PARP10: variants seen among roughly 807,000 people sequenced by gnomAD.
PARP10 encodes the protein protein mono-ADP-ribosyltransferase PARP10.
Under a neutral mutation model 82.4 loss-of-function variants are expected in PARP10, and 56 were observed. The ratio of observed to expected loss-of-function variants is 0.68; its 90% confidence interval spans 0.55 to 0.85. PARP10 has a LOEUF of 0.85. Among genes scored for constraint, PARP10 ranks in the 40% least tolerant of loss-of-function variants. PARP10 has a pLI of 0.00. For missense variants in PARP10, 1,227 were observed against 1,379.4 expected, an observed-to-expected ratio of 0.89 and a Z score of 1.75; for synonymous variants, 576 against 601.1, an observed-to-expected ratio of 0.96 and a Z score of 0.61.
At position 143,983,657 on chromosome 8, in the gene PARP10, A is replaced by G. The variant is rs1554748350; in HGVS notation, c.1932T>C (p.Thr644=). The G allele has an allele frequency of 1.2e-6, 2 of 1,608,788 alleles. No individual in the cohort carries two copies. The highest frequency in any genetic ancestry group is 2.2e-5 in the South Asian group (2 of 90,042). The change falls in exon 8 of 11, where the codon ACT becomes ACC. Residue 644 remains threonine, a synonymous_variant. Coordinates refer to ENST00000313028, the MANE Select transcript of PARP10 (RefSeq NM_032789.5). ...HEEEEPVAPS[T]VAPRWLEEEA... is the part of the protein sequence containing the mutation. ...CCTCCTCCAGCCACCTGGGTGCCACAGTGCTGGGGGCCACAGGCTCCTCCT... is the reference window on the plus strand; with the variant it reads ...CCTCCTCCAGCCACCTGGGTGCCACGGTGCTGGGGGCCACAGGCTCCTCCT...
At chr8:144,007,893 C>T (rs921777842) in intron 1 of PARP10, among the ~76,000 whole-genome samples, 1 of 152,204 alleles carries the variant, frequency 6.6e-6, no homozygotes, top group Non-Finnish European at 1.5e-5. Context: ...TACTACCTGC[C>T]TCGGGGGCTT....
intron 9 of PARP10, 55 bp downstream of exon 9, chr8:143,982,876 TA>T: frequency 1.3e-6 from 2 of 1,598,046 alleles, no homozygotes; most frequent in Non-Finnish European, 1.7e-6. Context: ...GGCAAGGCGC[TA>T]ATGGTGCAAG....
intron 9 of PARP10, among the ~76,000 whole-genome samples, chr8:143,982,144 C>T (rs1833878100): frequency 6.6e-6 from 1 of 152,092 alleles, no homozygotes; most frequent in African/African-American, 2.4e-5. Context: ...CTGCTGGCCC[C>T]ACGCACAACT....
chr8:144,011,941 G>A lies in PARP10; in HGVS notation c.-80+589C>T, dbSNP rs527761461. 4.1e-4 allele frequency among the ~76,000 whole-genome samples: 63 copies of A among 152,278 alleles called. No homozygotes were observed. Among genetic ancestry groups the A allele is most frequent in the Non-Finnish European group, 8.2e-4 (56 of 68,020 alleles). ...GGAGAAGGCTGAGAGGCCAAACCCA[G>A]GCATGTTCAAGATCACCAAGAAGGG... On this transcript the variant is annotated intron_variant, in intron 1 of 3. Coordinates refer to the PARP10 transcript ENST00000530478. This position sits in a 1 kb window ranked among gnomAD's most constrained non-coding sequence, Gnocchi z 4.5.
chr8:143,991,412 C>G (rs7814596), upstream of PARP10: 2 of 1,309,898 alleles, frequency 1.5e-6, no homozygotes, highest in African/African-American at 1.5e-5. Context: ...GCCCCAGCCC[C>G]TACCCCCAAG....
Position 143,984,785 on chromosome 8 carries a change from T to C in PARP10, c.1217A>G (p.Asp406Gly). Residue 406 changes from aspartate (D) to glycine (G), a missense_variant, in exon 5 of 11, where the codon GAC becomes GGC. Physicochemically the swap from Asp to Gly is moderately conservative, Grantham distance 94. Transcript: ENST00000313028. ...GQEGLVEIAM[D>G]SPEQEGLVGP... ...CACCAGCCCCTCTTGCTCTGGTGAG[T>C]CCATGGCAATTTCCACCAGGCCCTC... 6.2e-7 allele frequency: 1 copy of C among 1,611,372 alleles called. No individual in the cohort carries two copies. Among genetic ancestry groups the C allele is most frequent in the Non-Finnish European group, 8.5e-7 (1 of 1,178,752 alleles).
chr8:143,994,952 C>CG (rs1354092584), upstream of PARP10, among the ~76,000 whole-genome samples: 1 of 118,946 alleles, frequency 8.4e-6, no homozygotes, highest in African/African-American at 3.8e-5. Flanking sequence ...AACGTCAGGG[C>CG]GGGGGCAGGG....
chr8:143,991,569 C>G (rs782232539), upstream of PARP10: 3 of 1,591,876 alleles, frequency 1.9e-6, no homozygotes, highest in South Asian at 1.1e-5. Context: ...CCCCTATGGA[C>G]AGCCACAGGT....
chr8:143,990,014 A>AC (rs1312665603), upstream of PARP10: 1 of 76,586 alleles, frequency 1.3e-5, no homozygotes, highest in Non-Finnish European at 2.7e-5. This position sits in a 1 kb window ranked among gnomAD's most constrained non-coding sequence, Gnocchi z 5.6. Context: ...TGCCCCTCCC[A>AC]CCCCGAAGCT....
At chr8:144,009,469 A>G (rs780878823) in intron 1 of PARP10, among the ~76,000 whole-genome samples, 2 of 152,012 alleles carry the variant, frequency 1.3e-5, no homozygotes, top group African/African-American at 2.4e-5. Context: ...TCGTGGCTCT[A>G]CTAGGCACAG....
intron 9 of PARP10, 103 bp from the exon 10 acceptor site, chr8:143,978,184 T>A: frequency 7.5e-7 from 1 of 1,335,984 alleles, no homozygotes; most frequent in Non-Finnish European, 9.9e-7. Context: ...GTTGGAGGAG[T>A]CCAGGGTTTG....
intron 9 of PARP10, 99 bp downstream of exon 9, chr8:143,982,833 T>G: frequency 6.5e-7 from 1 of 1,533,478 alleles, no homozygotes; most frequent in Non-Finnish European, 8.8e-7. Flanking sequence ...TCAGCTGACC[T>G]TGATGTAGGC....
intron 1 of PARP10, among the ~76,000 whole-genome samples, chr8:144,002,054 G>C (rs557325323): frequency 6.6e-6 from 1 of 152,234 alleles, no homozygotes; most frequent in East Asian, 1.9e-4. Context: ...AAAAAGGCAA[G>C]AGGGAGATAA....
Position 143,985,614 on chromosome 8 carries a change from C to T in PARP10, c.471G>A (p.Leu157=). ...GGGACACCAAGGTCCCCTCCAGGCC[C>T]AGATTCTGGGCCTGCTCCTCCAGGA... ...VRVLEEQAQN[L]GLEGTLVSLA... is the part of the protein sequence containing the mutation. The change falls in exon 4 of 11, where the codon CTG becomes CTA. Residue 157 remains leucine (L), a synonymous_variant. Coordinates refer to ENST00000313028, the MANE Select transcript of PARP10 (RefSeq NM_032789.5). 1.2e-6 allele frequency: 2 copies of T among 1,613,794 alleles called. No homozygotes were observed. The highest frequency in any genetic ancestry group is 1.7e-6 in the Non-Finnish European group (2 of 1,179,942).
At chr8:143,980,476 C>A (rs955977221) in intron 9 of PARP10, among the ~76,000 whole-genome samples, 104 of 150,546 alleles carry the variant, frequency 6.9e-4, no homozygotes, top group African/African-American at 2.4e-3. Flanking sequence ...GAGCCGAGAT[C>A]ATGCCACTGC....
chr8:143,984,119 T>A lies in PARP10; in HGVS notation c.1681-15A>T. The A allele has an allele frequency of 6.4e-7, 1 of 1,559,744 alleles. No individual in the cohort carries two copies. The highest frequency in any genetic ancestry group is 1.9e-5 in the Admixed American group (1 of 53,918). The stretch of plus-strand genomic sequence containing the variant: ...GTAGGGTCCACCTGTAGGGAGAGGA[T>A]GTCAGGACCACTAGCCTCTGGGCAA... On this transcript the variant is annotated splice_polypyrimidine_tract_variant and intron_variant, in intron 6 of 10. Coordinates refer to ENST00000313028, the MANE Select transcript of PARP10 (RefSeq NM_032789.5).
chr8:143,977,971 C>G lies in PARP10; in HGVS notation c.2667G>C (p.Thr889=), dbSNP rs781847703. Residue 889 remains threonine (T), a synonymous_variant, in exon 10 of 11, where the codon ACG becomes ACC. Coordinates refer to ENST00000313028, the MANE Select transcript of PARP10 (RefSeq NM_032789.5). ...RPVEQVLYHG[T]TAPAVPDICA... ...AGATGTCAGGCACTGCCGGTGCCGT[C>G]GTGCCGTGGTACAGCACCTGCTCCA... 2 of 1,599,116 alleles carry G rather than the reference C, an allele frequency of 1.3e-6. No individual in the cohort carries two copies. The highest frequency in any genetic ancestry group is 2.7e-5 in the African/African-American group (2 of 74,882).
chr8:144,003,875 AT>A (rs1198460588), intron 1 of PARP10, among the ~76,000 whole-genome samples: 3 of 151,002 alleles, frequency 2.0e-5, no homozygotes, highest in Admixed American at 1.3e-4. Flanking sequence ...AAAAAAAAAA[AT>A]TTTTTTTAAT....
At chr8:143,998,758 T>G (rs1228012607) in intron 1 of PARP10, among the ~76,000 whole-genome samples, 1 of 152,108 alleles carries the variant, frequency 6.6e-6, no homozygotes, top group Admixed American at 6.6e-5. Context: ...GCGACCAGCT[T>G]GGGCAACATG....
Sources: allele counts gnomAD v4.1 joint callset (sites outside exome capture counted in the v4.1 genomes callset), GRCh38; gene constraint gnomAD v4.1.1; non-coding constraint Gnocchi (gnomAD v3.1); transcripts MANE v1.5; gene names NCBI Gene and HGNC (gene_info 2026-07-23, HGNC 2026-07-21).